Variants in ITFG1 observed in about 807,000 individuals in gnomAD.
ITFG1 encodes the protein integrin alpha FG-GAP repeat containing 1.
Under a neutral mutation model 81.8 loss-of-function variants are expected in ITFG1, and 34 were observed. The observed-to-expected ratio is 0.42, with a 90% CI of 0.32 to 0.55. The LOEUF is 0.55. Ranked by LOEUF, ITFG1 falls within the 20% of genes least tolerant of loss-of-function variation. ITFG1 has a pLI of 0.17. For missense variants in ITFG1, 672 were observed against 755.4 expected, an observed-to-expected ratio of 0.89 and a Z score of 1.29; for synonymous variants, 285 against 270.6, an observed-to-expected ratio of 1.05 and a Z score of -0.52.
At chr16:47,198,477 T>C (rs1965384757) in intron 14 of ITFG1, among the ~76,000 whole-genome samples, 1 of 152,242 alleles carries the variant, frequency 6.6e-6, no homozygotes. Flanking sequence ...TTATGTACAG[T>C]ACATAATAGT....
intron 8 of ITFG1, among the ~76,000 whole-genome samples, chr16:47,317,347 ATTT>A (rs1050750462): frequency 1.3e-5 from 2 of 152,168 alleles, no homozygotes; most frequent in Non-Finnish European, 2.9e-5. Flanking sequence ...TTTATATATA[ATTT>A]TTGTTTTTAA....
chr16:47,328,102 A>G (rs1375223339), intron 8 of ITFG1, among the ~76,000 whole-genome samples: 1 of 152,218 alleles, frequency 6.6e-6, no homozygotes, highest in Non-Finnish European at 1.5e-5. Flanking sequence ...TTGGATTAAG[A>G]AAATGTGGCA....
chr16:47,262,063 G>A (rs181593057), intron 10 of ITFG1, among the ~76,000 whole-genome samples: 1 of 152,266 alleles, frequency 6.6e-6, no homozygotes, highest in East Asian at 1.9e-4. Context: ...TTGATTATAA[G>A]AAAGCAAAAT....
At chr16:47,299,504 G>A (rs1265855285) in intron 10 of ITFG1, 1 of 152,342 alleles carries the variant, frequency 6.6e-6, no homozygotes, top group Non-Finnish European at 1.5e-5. Context: ...GTCTATACCT[G>A]GTCCTCCTAA....
At chr16:47,354,745 AT>A (rs1269842869) in intron 8 of ITFG1, among the ~76,000 whole-genome samples, 13 of 152,184 alleles carry the variant, frequency 8.5e-5, no homozygotes, top group African/African-American at 3.1e-4. Flanking sequence ...CTGAATGGAC[AT>A]TTCTCAAAAG....
chr16:47,460,121 T>C (rs1375516084), intron 1 of ITFG1, among the ~76,000 whole-genome samples: 3 of 152,168 alleles, frequency 2.0e-5, no homozygotes, highest in Admixed American at 6.5e-5. Context: ...GCAAAGAAAG[T>C]AGACATTTGG....
intron 13 of ITFG1, among the ~76,000 whole-genome samples, chr16:47,227,723 C>A (rs1432041649): frequency 6.6e-6 from 1 of 152,096 alleles, no homozygotes; most frequent in Non-Finnish European, 1.5e-5. Flanking sequence ...TACTTCAAAT[C>A]ATTGGCTCTG....
At chr16:47,382,353 T>C (rs1016136770) in intron 6 of ITFG1, among the ~76,000 whole-genome samples, 5 of 152,246 alleles carry the variant, frequency 3.3e-5, no homozygotes, top group Admixed American at 2.6e-4. Flanking sequence ...GCTTGAATTG[T>C]TCCCCATTCA....
At chr16:47,435,121 C>G (rs1159130361) in intron 5 of ITFG1, among the ~76,000 whole-genome samples, 1 of 152,114 alleles carries the variant, frequency 6.6e-6, no homozygotes, top group Non-Finnish European at 1.5e-5. Flanking sequence ...TGCAACAAAC[C>G]ACCATGGTAC....
In ITFG1 at chr16:47,415,336, G is replaced by C. The variant is rs1225850197; in HGVS notation, c.655+13468C>G. On this transcript the variant is annotated intron_variant, in intron 6 of 17. Transcript: ENST00000320640. ...CTTCTGCTATGCATGGAAGAGTGGG[G>C]TTACTAAAAGACAGAATTTATTTTC... is the stretch of plus-strand genomic sequence containing the variant. Among the ~76,000 whole-genome samples, 3 of 152,142 alleles carry C rather than the reference G, an allele frequency of 2.0e-5. No homozygotes were observed. The East Asian group carries it at 5.8e-4, about 29-fold the overall frequency.
chr16:47,213,102 C>G (rs1370138314), intron 14 of ITFG1, among the ~76,000 whole-genome samples: 1 of 152,040 alleles, frequency 6.6e-6, no homozygotes, highest in Non-Finnish European at 1.5e-5. Flanking sequence ...TTGTATTTTT[C>G]TTTTCATTCA....
intron 14 of ITFG1, among the ~76,000 whole-genome samples, chr16:47,178,123 C>T (rs894200175): frequency 1.3e-5 from 2 of 152,184 alleles, no homozygotes; most frequent in African/African-American, 2.4e-5. Context: ...AATCATACAG[C>T]TTATCCTCTT....
intron 4 of ITFG1, 28 bp downstream of exon 4, chr16:47,452,705 G>A (rs758458759): frequency 1.2e-5 from 17 of 1,477,054 alleles, no homozygotes; most frequent in South Asian, 4.9e-5. Context: ...GTTTAAAATC[G>A]TTTCAAAGGA....
intron 10 of ITFG1, among the ~76,000 whole-genome samples, chr16:47,304,898 T>G (rs1303587829): frequency 1.3e-5 from 2 of 152,190 alleles, no homozygotes; most frequent in African/African-American, 2.4e-5. Context: ...TTAAATAAAA[T>G]GGATTTAAGT....
At chr16:47,160,013 T>C (rs1039670558) in intron 16 of ITFG1, among the ~76,000 whole-genome samples, 3 of 152,092 alleles carry the variant, frequency 2.0e-5, no homozygotes, top group Admixed American at 2.0e-4. Flanking sequence ...ATGGTATAAT[T>C]TTCTGGAAAT....
chr16:47,409,391 TATATA>T (rs1968773718), intron 6 of ITFG1, among the ~76,000 whole-genome samples: 3 of 16,498 alleles, frequency 1.8e-4, no homozygotes, highest in African/African-American at 5.6e-4. Context: ...TATATATATA[TATATA>T]TATATATATT....
In ITFG1 at chr16:47,223,338, T is replaced by G. The variant is rs576538589; in HGVS notation, c.1375-4392A>C. On this transcript the variant is annotated intron_variant, in intron 13 of 17. Coordinates refer to ENST00000320640, the MANE Select transcript of ITFG1 (RefSeq NM_030790.5). ...AGTAAATCTTCGCAACCTACTCATC[T>G]GACAAAGGGCTAATATCCAGAATCT... Among the ~76,000 whole-genome samples the G allele has an allele frequency of 2.2e-4, 33 of 152,346 alleles. No individual in the cohort carries two copies. The South Asian group carries it at 6.6e-3, about 31-fold the overall frequency.
chr16:47,171,626 G>A (rs1334326708), intron 14 of ITFG1, among the ~76,000 whole-genome samples: 5 of 152,088 alleles, frequency 3.3e-5, no homozygotes, highest in Non-Finnish European at 4.4e-5. Context: ...AAATTAGGTT[G>A]CTGATTTGAG....
intron 12 of ITFG1, among the ~76,000 whole-genome samples, chr16:47,246,706 T>C (rs1966005996): frequency 6.6e-6 from 1 of 152,180 alleles, no homozygotes; most frequent in Non-Finnish European, 1.5e-5. Context: ...TGTCTTTAGC[T>C]ACATTCAGTA....
Sources: allele counts gnomAD v4.1 joint callset (sites outside exome capture counted in the v4.1 genomes callset), GRCh38; gene constraint gnomAD v4.1.1; transcripts MANE v1.5; gene names NCBI Gene and HGNC (gene_info 2026-07-23, HGNC 2026-07-21).